The following TAFA2 variants were observed in gnomAD, a reference collection of about 807,000 sequenced individuals.
The protein encoded by TAFA2 is chemokine-like protein TAFA-2.
A neutral mutation model predicts 18.8 loss-of-function variants in TAFA2; 7 were observed. The ratio of observed to expected loss-of-function variants is 0.37; its 90% CI spans 0.21 to 0.70. TAFA2 has a LOEUF of 0.70. Ranked by LOEUF, TAFA2 falls within the 30% of genes least tolerant of loss-of-function variation. The pLI, the probability that TAFA2 is intolerant of heterozygous loss-of-function variation, is 0.53. For missense variants in TAFA2, 122 were observed against 158.1 expected (o/e 0.77, Z 1.23); for synonymous variants, 60 against 54.2 (o/e 1.11, Z -0.47).
chr12:62,064,658 T>A (rs1479417144), intron 1 of TAFA2, among the ~76,000 whole-genome samples: 1 of 152,106 alleles, frequency 6.6e-6, no homozygotes, highest in Non-Finnish European at 1.5e-5. Flanking sequence ...CTGTTCAATA[T>A]CATTAAATGT....
intron 1 of TAFA2, among the ~76,000 whole-genome samples, chr12:62,197,935 A>G (rs2062655491): frequency 6.6e-6 from 1 of 152,158 alleles, no homozygotes; most frequent in African/African-American, 2.4e-5. Context: ...CTTTGAGTGA[A>G]CCTATGTTTT....
chr12:62,213,579 G>T (rs1433406674), intron 1 of TAFA2, among the ~76,000 whole-genome samples: 3 of 150,992 alleles, frequency 2.0e-5, no homozygotes, highest in African/African-American at 4.9e-5. Flanking sequence ...TGAAGCAGAG[G>T]TTGCAGTGAG....
chr12:62,159,332 T>C (rs1485689200), intron 1 of TAFA2, among the ~76,000 whole-genome samples: 1 of 152,164 alleles, frequency 6.6e-6, no homozygotes, highest in East Asian at 1.9e-4. Flanking sequence ...ATAAAAATAT[T>C]TGTGCTATCA....
At chr12:62,186,305 T>C (rs1592390021) in intron 1 of TAFA2, among the ~76,000 whole-genome samples, 2 of 152,120 alleles carry the variant, frequency 1.3e-5, no homozygotes, top group African/African-American at 4.8e-5. Flanking sequence ...AGTGACTAGT[T>C]TGTAGCAGCA....
chr12:61,866,552 T>C (rs1163832432), intron 2 of TAFA2, among the ~76,000 whole-genome samples: 4 of 152,162 alleles, frequency 2.6e-5, no homozygotes, highest in African/African-American at 7.2e-5. Flanking sequence ...AGTTCAGAAA[T>C]AGCCCCATGG....
At chr12:62,085,696 A>G (rs574140957) in intron 1 of TAFA2, among the ~76,000 whole-genome samples, 2 of 152,196 alleles carry the variant, frequency 1.3e-5, no homozygotes, top group African/African-American at 4.8e-5. Context: ...CAAAAAGTAG[A>G]ATAGGTACCA....
chr12:62,179,168 T>C (rs2062535229), intron 1 of TAFA2, among the ~76,000 whole-genome samples: 1 of 152,230 alleles, frequency 6.6e-6, no homozygotes, highest in African/African-American at 2.4e-5. Context: ...TTTAGAATTT[T>C]TAAATTATAC....
chr12:62,256,048 C>T (rs866415411), intron 1 of TAFA2, among the ~76,000 whole-genome samples: 1 of 151,958 alleles, frequency 6.6e-6, no homozygotes, highest in South Asian at 2.1e-4. Flanking sequence ...GCGGGCAGAT[C>T]GCCAGAGGTC....
chr12:62,035,692 C>T (rs348684), intron 1 of TAFA2, among the ~76,000 whole-genome samples: 121,939 of 149,084 alleles, frequency 0.82, 50,064 homozygotes, highest in Middle Eastern at 0.88. Flanking sequence ...GCAAGGTTTC[C>T]GAACTTCAGT....
intron 1 of TAFA2, among the ~76,000 whole-genome samples, chr12:62,225,165 G>A (rs2062780818): frequency 1.3e-5 from 2 of 152,156 alleles, no homozygotes; most frequent in African/African-American, 4.8e-5. Context: ...TTAAGACAAT[G>A]TGGTACTAGC....
intron 1 of TAFA2, among the ~76,000 whole-genome samples, chr12:61,923,817 A>G (rs1877161682): frequency 6.6e-6 from 1 of 152,054 alleles, no homozygotes; most frequent in Non-Finnish European, 1.5e-5. Context: ...GTTCTAACCC[A>G]ATGCAAGGAA....
chr12:62,187,399 C>T (rs938960206), intron 1 of TAFA2, among the ~76,000 whole-genome samples: 1 of 152,094 alleles, frequency 6.6e-6, no homozygotes, highest in African/African-American at 2.4e-5. Flanking sequence ...AGTGGAAAAA[C>T]TATGCACCTA....
rs3034059 is a variant in TAFA2 at position 61,821,128 on chromosome 12, TACACACAC to T, written c.106+46184_106+46191del. Among the ~76,000 whole-genome samples, 709 of 146,450 alleles carry T rather than the reference TACACACAC, an allele frequency of 4.8e-3. 7 individuals carry two copies. Among genetic ancestry groups the T allele is most frequent in the East Asian group, 6.7e-3 (33 of 4,950 alleles). ...GTGTTGACACTTCATTTGATAGGGG[TACACACAC>T]ACACACACACACACACACACACACA... is the stretch of plus-strand genomic sequence containing the variant. On this transcript the variant is annotated intron_variant, in intron 2 of 4. Coordinates refer to ENST00000416284, the MANE Select transcript of TAFA2 (RefSeq NM_178539.5).
chr12:61,745,356 T>C (rs1177568177), intron 4 of TAFA2, among the ~76,000 whole-genome samples: 3 of 152,072 alleles, frequency 2.0e-5, no homozygotes, highest in Non-Finnish European at 2.9e-5. Context: ...CCTAGTTCAC[T>C]CCACTCCAGC....
At chr12:61,933,809 G>A (rs1877658977) in intron 1 of TAFA2, among the ~76,000 whole-genome samples, 1 of 152,164 alleles carries the variant, frequency 6.6e-6, no homozygotes, top group African/African-American at 2.4e-5. Context: ...TATAAGCTAG[G>A]CATTGTGCTA....
At chr12:62,135,837 A>G (rs2136900679) in intron 1 of TAFA2, 1 of 152,248 alleles carries the variant, frequency 6.6e-6, no homozygotes, top group Non-Finnish European at 1.5e-5. Context: ...TTAAAAAGTG[A>G]GGATTTTCTT....
intron 1 of TAFA2, among the ~76,000 whole-genome samples, chr12:62,210,069 G>A (rs2062707352): frequency 1.3e-5 from 2 of 152,008 alleles, no homozygotes; most frequent in Non-Finnish European, 2.9e-5. Context: ...GCGTGGTGGT[G>A]GGCGCCTGTG....
chr12:62,038,180 C>G (rs1376265857), intron 1 of TAFA2, among the ~76,000 whole-genome samples: 2 of 151,964 alleles, frequency 1.3e-5, no homozygotes, highest in Non-Finnish European at 2.9e-5. Flanking sequence ...ATTTGATGTA[C>G]AACAGAGAAT....
intron 1 of TAFA2, among the ~76,000 whole-genome samples, chr12:62,112,031 T>A (rs1869755577): frequency 6.6e-6 from 1 of 152,228 alleles, no homozygotes; most frequent in South Asian, 2.1e-4. Flanking sequence ...CCTGTCATTA[T>A]GATGGTAGCT....
Sources: allele counts gnomAD v4.1 joint callset (sites outside exome capture counted in the v4.1 genomes callset), GRCh38; gene constraint gnomAD v4.1.1; transcripts MANE v1.5; gene names NCBI Gene and HGNC (gene_info 2026-07-23, HGNC 2026-07-21).